Variants in ITGA1 observed in about 807,000 individuals in gnomAD.
ITGA1 encodes the protein integrin alpha-1.
In ITGA1, 85 loss-of-function variants were observed where a neutral mutation model predicts 145.9. The ratio of observed to expected loss-of-function variants is 0.58; its 90% confidence interval spans 0.49 to 0.70. ITGA1 has a LOEUF of 0.70. Among genes scored for constraint, ITGA1 ranks in the 30% least tolerant of loss-of-function variants. The probability of loss-of-function intolerance (pLI) is 0.00; values close to 1 mark genes in which losing one functional copy is unlikely to be tolerated. For missense variants in ITGA1, 1,351 were observed against 1,418.7 expected (o/e 0.95, Z 0.77); for synonymous variants, 520 against 495.3 (o/e 1.05, Z -0.66).
intron 17 of ITGA1, among the ~76,000 whole-genome samples, chr5:52,922,499 G>A (rs1750746213): frequency 6.6e-6 from 1 of 152,140 alleles, no homozygotes; most frequent in East Asian, 1.9e-4. Context: ...TGTTGACACA[G>A]CCAAGTGTGA....
At chr5:52,908,243 A>G (rs1386758151) in intron 12 of ITGA1, among the ~76,000 whole-genome samples, 1 of 152,256 alleles carries the variant, frequency 6.6e-6, no homozygotes, top group Non-Finnish European at 1.5e-5. Flanking sequence ...AAGAGCATCA[A>G]ATATTAAACA....
chr5:52,795,601 A>G (rs1250578307), intron 1 of ITGA1, among the ~76,000 whole-genome samples: 3 of 151,914 alleles, frequency 2.0e-5, no homozygotes, highest in African/African-American at 7.2e-5. Flanking sequence ...ACATAAATAA[A>G]TGTACCCCAA....
chr5:52,889,636 G>A (rs1331707833), intron 8 of ITGA1: 4 of 152,058 alleles, frequency 2.6e-5, no homozygotes, highest in African/African-American at 9.7e-5. Flanking sequence ...AGACCTGGAG[G>A]AAAGGGGTGG....
chr5:52,918,909 T>G lies in ITGA1; in HGVS notation c.2155+11T>G. 1 of 1,583,172 alleles carries G rather than the reference T, an allele frequency of 6.3e-7. No individual in the cohort carries two copies. Among genetic ancestry groups the G allele is most frequent in the Non-Finnish European group, 8.6e-7 (1 of 1,167,480 alleles). On this transcript the variant is annotated intron_variant, in intron 16 of 28. Coordinates refer to ENST00000282588, the MANE Select transcript of ITGA1 (RefSeq NM_181501.2). ...CGATTTATGAAGCTGGTAAGCAAAA[T>G]AATTATAGCAAGTACTTTTGGGTAG...
chr5:52,945,099 T>C, intron 27 of ITGA1, 64 bp downstream of exon 27: 1 of 1,250,232 alleles, frequency 8.0e-7, no homozygotes, highest in Non-Finnish European at 1.2e-6. Flanking sequence ...ACATAATGTT[T>C]TATAATTGTT....
chr5:52,831,369 A>G (rs907739071), intron 1 of ITGA1, among the ~76,000 whole-genome samples: 2 of 151,880 alleles, frequency 1.3e-5, no homozygotes, highest in African/African-American at 4.8e-5. Flanking sequence ...CCTGACCTCA[A>G]GTGATCTGCC....
intron 1 of ITGA1, among the ~76,000 whole-genome samples, chr5:52,791,626 T>G (rs973280184): frequency 4.6e-5 from 7 of 152,202 alleles, no homozygotes; most frequent in African/African-American, 9.7e-5. Flanking sequence ...CCGAAATGTA[T>G]TATGTGCAAG....
intron 22 of ITGA1, chr5:52,933,271 TTC>T (rs1290076599): frequency 6.6e-6 from 1 of 152,080 alleles, no homozygotes; most frequent in Non-Finnish European, 1.5e-5. Context: ...AGCCTTTAAA[TTC>T]TGTCTCCACT....
intron 6 of ITGA1, among the ~76,000 whole-genome samples, chr5:52,873,986 C>T (rs1749825999): frequency 6.6e-6 from 1 of 151,724 alleles, no homozygotes; most frequent in East Asian, 1.9e-4. Context: ...TCCATTCCTT[C>T]ATAACTCTTT....
rs1201689913 is a variant in ITGA1, at chr5:52,955,433, T to C, written c.*2982T>C. 6.6e-6 allele frequency: 1 copy of C among 152,162 alleles called. No individual in the cohort carries two copies. Among genetic ancestry groups the C allele is most frequent in the Non-Finnish European group, 1.5e-5 (1 of 68,014 alleles). 9.4% of individuals were successfully genotyped at this position (152,162 alleles called of 1,614,324 possible). ...ATGTTGTGTCTATATACATATCCAA[T>C]GACACACAGTATAATCATGTTTTAA... On this transcript the variant is annotated 3_prime_UTR_variant, in exon 29 of 29. Coordinates refer to ENST00000282588, the MANE Select transcript of ITGA1 (RefSeq NM_181501.2).
At chr5:52,924,527 G>A (rs574408618) in intron 18 of ITGA1, among the ~76,000 whole-genome samples, 2 of 152,350 alleles carry the variant, frequency 1.3e-5, no homozygotes, top group African/African-American at 4.8e-5. Flanking sequence ...CGGGTCATTC[G>A]GGACTTGGTG....
rs1022286834 is a variant in ITGA1 at position 52,911,846 on chromosome 5, C to G, written c.1857+1427C>G. Among the ~76,000 whole-genome samples the G allele has an allele frequency of 1.2e-4, 16 of 131,730 alleles. No individual in the cohort carries two copies. The South Asian group carries it at 3.8e-3, about 32-fold the overall frequency. The allele number at this position is 131,730 out of a possible 152,430, so 86.4% of individuals were successfully genotyped here. A position where few individuals can be genotyped will look rare whatever the true frequency, so the allele number is the denominator to read the frequency against. The stretch of plus-strand genomic sequence containing the variant: ...ACTATATATACTATATATGGTGTAT[C>G]TATATACACACACTATATATAGTAT... On this transcript the variant is annotated intron_variant, in intron 14 of 28. Coordinates refer to ENST00000282588, the MANE Select transcript of ITGA1 (RefSeq NM_181501.2).
intron 21 of ITGA1, chr5:52,931,338 T>G (rs1750891094): frequency 1.3e-5 from 2 of 152,194 alleles, no homozygotes; most frequent in South Asian, 4.1e-4. Context: ...TTGACCAAAG[T>G]GTATCAGTGT....
chr5:52,855,298 G>A (rs1690270718), intron 2 of ITGA1, among the ~76,000 whole-genome samples: 2 of 152,024 alleles, frequency 1.3e-5, no homozygotes, highest in Non-Finnish European at 2.9e-5. Context: ...TCACTCAAAG[G>A]CATGTATAGC....
intron 18 of ITGA1, among the ~76,000 whole-genome samples, chr5:52,924,817 G>A (rs968116435): frequency 2.6e-5 from 4 of 152,268 alleles, no homozygotes; most frequent in Admixed American, 6.5e-5. Context: ...TGGTGGTGGT[G>A]GAGAGGCGGT....
chr5:52,854,574 C>T (rs146900169), intron 2 of ITGA1, among the ~76,000 whole-genome samples: 14 of 152,228 alleles, frequency 9.2e-5, no homozygotes, highest in African/African-American at 2.9e-4. Flanking sequence ...GCTTGGCACT[C>T]TGAGAGTGAC....
chr5:52,791,266 G>A (rs1748233151), intron 1 of ITGA1, among the ~76,000 whole-genome samples: 1 of 152,132 alleles, frequency 6.6e-6, no homozygotes, highest in South Asian at 2.1e-4. Flanking sequence ...AAAAGAGGGT[G>A]GAGCATCTAG....
At chr5:52,922,069 G>T (rs1006310333) in intron 17 of ITGA1, among the ~76,000 whole-genome samples, 4 of 152,150 alleles carry the variant, frequency 2.6e-5, no homozygotes, top group Admixed American at 2.6e-4. Context: ...GGGAGGCTGA[G>T]GTGAGTGGAT....
At chr5:52,931,993 C>G (rs1372163623) in intron 21 of ITGA1, 54 bp from the exon 22 acceptor site, 2 of 1,053,524 alleles carry the variant, frequency 1.9e-6, no homozygotes, top group Non-Finnish European at 3.0e-6. Context: ...TTAGAAATGT[C>G]TTTAAATAGT....
Sources: gnomAD v4.1 joint callset for allele counts (sites outside exome capture counted in the v4.1 genomes callset) on GRCh38, gnomAD v4.1.1 for gene constraint, MANE v1.5 for transcripts, NCBI Gene and HGNC (gene_info 2026-07-23, HGNC 2026-07-21) for gene names.